EXT1: variants seen among roughly 807,000 people sequenced by gnomAD.
EXT1 encodes the protein exostosin glycosyltransferase 1.
EXT1 carries 20 observed loss-of-function variants against 82.5 expected under a neutral mutation model. The observed-to-expected ratio is 0.24, with a 90% CI of 0.17 to 0.35. EXT1 has a LOEUF of 0.35. EXT1 is among the 10% of genes least tolerant of loss of function. The pLI is 1.00. For missense variants in EXT1, 757 were observed against 936.5 expected (o/e 0.81, Z 2.50); for synonymous variants, 348 against 350.8 (o/e 0.99, Z 0.09).
intron 1 of EXT1, among the ~76,000 whole-genome samples, chr8:118,072,003 C>T (rs2129964392): frequency 6.6e-6 from 1 of 152,194 alleles, no homozygotes; most frequent in South Asian, 2.1e-4. Context: ...AGGTTCACTT[C>T]CCAGAATGCA....
Position 117,888,256 on chromosome 8 carries a change from A to C in EXT1, c.963-51055T>G, listed in dbSNP as rs559069463. ...TGAAGTCATTTTCACAGAGGTTATCATTTTATGCTATAATGAACTGTGTCA... is the reference window on the plus strand; with the variant it reads ...TGAAGTCATTTTCACAGAGGTTATCCTTTTATGCTATAATGAACTGTGTCA... On this transcript the variant is annotated intron_variant, in intron 1 of 10. Transcript: ENST00000378204. Among the ~76,000 whole-genome samples, 6 of 152,212 alleles carry C rather than the reference A, an allele frequency of 3.9e-5. No individual in the cohort carries two copies. The East Asian group carries it at 7.7e-4, about 20-fold the overall frequency.
At chr8:118,001,638 C>A (rs1414794806) in intron 1 of EXT1, among the ~76,000 whole-genome samples, 1 of 151,964 alleles carries the variant, frequency 6.6e-6, no homozygotes, top group East Asian at 1.9e-4. Flanking sequence ...TAATTTTTAT[C>A]TTATTTATTA....
intron 1 of EXT1, among the ~76,000 whole-genome samples, chr8:117,908,677 C>T (rs1017857516): frequency 6.6e-6 from 1 of 151,710 alleles, no homozygotes; most frequent in Non-Finnish European, 1.5e-5. Context: ...AAAAACAAAA[C>T]ACACACACAC....
chr8:118,013,016 C>T (rs559437422), intron 1 of EXT1, among the ~76,000 whole-genome samples: 1 of 152,164 alleles, frequency 6.6e-6, no homozygotes, highest in African/African-American at 2.4e-5. Context: ...AAAAGGTGAA[C>T]TACTTCTATG....
chr8:117,939,269 T>C (rs1814227734), intron 1 of EXT1, among the ~76,000 whole-genome samples: 1 of 152,144 alleles, frequency 6.6e-6, no homozygotes, highest in Non-Finnish European at 1.5e-5. Context: ...GGTACCACTG[T>C]TGTTTCCATT....
chr8:117,921,325 C>G (rs1423628190), intron 1 of EXT1, among the ~76,000 whole-genome samples: 1 of 152,156 alleles, frequency 6.6e-6, no homozygotes, highest in African/African-American at 2.4e-5. Context: ...CATGAGGCCT[C>G]TAGGAGACAG....
intron 1 of EXT1, among the ~76,000 whole-genome samples, chr8:118,049,895 A>G (rs1414065151): frequency 6.6e-6 from 1 of 152,150 alleles, no homozygotes; most frequent in Non-Finnish European, 1.5e-5. Flanking sequence ...CAGGCTGCAC[A>G]GGGCTCAAAA....
chr8:117,891,891 C>T (rs1813250242), intron 1 of EXT1, among the ~76,000 whole-genome samples: 2 of 148,826 alleles, frequency 1.3e-5, no homozygotes. Context: ...ACTGCTACCT[C>T]TGCCTCCCGG....
chr8:118,090,764 G>A (rs1197220088), intron 1 of EXT1, among the ~76,000 whole-genome samples: 1 of 98,746 alleles, frequency 1.0e-5, no homozygotes, highest in Admixed American at 1.7e-4. Context: ...GGGTGAGACA[G>A]TGAGATTCTG....
At chr8:117,926,645 A>G (rs952869094) in intron 1 of EXT1, among the ~76,000 whole-genome samples, 6 of 152,184 alleles carry the variant, frequency 3.9e-5, no homozygotes, top group African/African-American at 1.4e-4. Flanking sequence ...CTGGAAGGAG[A>G]GAGGGGTCAC....
chr8:118,043,081 T>C (rs1388869758), intron 1 of EXT1, among the ~76,000 whole-genome samples: 1 of 152,194 alleles, frequency 6.6e-6, no homozygotes, highest in East Asian at 1.9e-4. Context: ...CTCTCCTCTT[T>C]CCACTACTGT....
At chr8:118,069,976 G>C (rs1386164686) in intron 1 of EXT1, among the ~76,000 whole-genome samples, 1 of 152,076 alleles carries the variant, frequency 6.6e-6, no homozygotes, top group East Asian at 1.9e-4. Flanking sequence ...TTTTACTTCT[G>C]AGAATGAGGC....
At chr8:117,846,984 T>G (rs185293659) in intron 1 of EXT1, among the ~76,000 whole-genome samples, 2 of 152,324 alleles carry the variant, frequency 1.3e-5, no homozygotes, top group East Asian at 3.9e-4. Context: ...GCTAACTCTC[T>G]ATTGCTCACT....
intron 1 of EXT1, among the ~76,000 whole-genome samples, chr8:117,994,921 G>A (rs1431719664): frequency 1.3e-5 from 2 of 152,172 alleles, no homozygotes; most frequent in East Asian, 1.9e-4. Flanking sequence ...CTATTTGGAC[G>A]TTAATTTGCA....
rs531700772 is a variant in EXT1, at chr8:117,896,303, C to A, written c.963-59102G>T. Among the ~76,000 whole-genome samples, 23 of 152,298 alleles carry A rather than the reference C, an allele frequency of 1.5e-4. No homozygotes were observed. In the South Asian group the frequency reaches 3.5e-3, roughly 23 times the overall value. ...AATCATCATCTTTTGTATTTTATTA[C>A]GAGCTTCCTTTAGTATATTAATTTC... On this transcript the variant is annotated intron_variant, in intron 1 of 10. Transcript: ENST00000378204.
chr8:117,923,445 C>T (rs1217360777), intron 1 of EXT1, among the ~76,000 whole-genome samples: 17 of 151,762 alleles, frequency 1.1e-4, no homozygotes, highest in African/African-American at 2.9e-4. Flanking sequence ...CGGCTGGGCA[C>T]GGTGGCTCAC....
rs1259204832 is a variant in EXT1 at position 118,047,881 on chromosome 8, CAATT to C, written c.962+62200_962+62203del. On this transcript the variant is annotated intron_variant, in intron 1 of 10. Transcript: ENST00000378204. ...GAGGCACCACAATCAATCAATCAAT[CAATT>C]AATCAATCAATACCTAGCATGGTGA... is the stretch of plus-strand genomic sequence containing the variant. Among the ~76,000 whole-genome samples the C allele has an allele frequency of 7.9e-5, 12 of 152,204 alleles. No homozygotes were observed. The South Asian group carries it at 1.7e-3, about 21-fold the overall frequency.
intron 1 of EXT1, among the ~76,000 whole-genome samples, chr8:118,014,694 C>A (rs536856721): frequency 2.6e-5 from 4 of 152,088 alleles, no homozygotes; most frequent in Admixed American, 6.6e-5. Flanking sequence ...CTCGCCTCAG[C>A]CCCGAAAGTG....
chr8:117,946,440 T>C (rs953194196), intron 1 of EXT1, among the ~76,000 whole-genome samples: 1 of 152,166 alleles, frequency 6.6e-6, no homozygotes, highest in East Asian at 1.9e-4. Flanking sequence ...AAGTCCTACA[T>C]AAGCATTTGT....
Sources: gnomAD v4.1 joint callset for allele counts (sites outside exome capture counted in the v4.1 genomes callset) on GRCh38, gnomAD v4.1.1 for gene constraint, MANE v1.5 for transcripts, NCBI Gene and HGNC (gene_info 2026-07-23, HGNC 2026-07-21) for gene names.